Variants in CSNK1G3 observed in about 807,000 individuals in gnomAD.
The protein encoded by CSNK1G3 is casein kinase I isoform gamma-3.
A neutral mutation model predicts 64.3 loss-of-function variants in CSNK1G3; 23 were observed. The observed-to-expected ratio is 0.36, with a 90% CI of 0.26 to 0.51. The LOEUF is 0.51. CSNK1G3 is among the 20% of genes least tolerant of loss of function. CSNK1G3 has a pLI of 0.96. For synonymous variants in CSNK1G3, 158 were observed against 162.2 expected, an observed-to-expected ratio of 0.97 and a Z score of 0.20; for missense variants, 357 against 510.5, an observed-to-expected ratio of 0.70 and a Z score of 2.90.
chr5:123,544,190 C>T (rs113759949), intron 1 of CSNK1G3, among the ~76,000 whole-genome samples: 42 of 152,270 alleles, frequency 2.8e-4, no homozygotes, highest in African/African-American at 9.4e-4. Flanking sequence ...AGCACAAGAA[C>T]GATCCTATAA....
At chr5:123,527,884 C>T (rs531050842) in intron 1 of CSNK1G3, among the ~76,000 whole-genome samples, 6 of 151,966 alleles carry the variant, frequency 3.9e-5, no homozygotes, top group Admixed American at 1.3e-4. Context: ...CTGTTTTCTC[C>T]GTGTTTTCTA....
rs571704455 is a variant in CSNK1G3, at chr5:123,556,813, A to G, written c.220-682A>G. On this transcript the variant is annotated intron_variant, in intron 3 of 12. Transcript: ENST00000345990. ...GTGTGGTGTGTGTATATGAATCTCA[A>G]AAACATTTATGTCGAATGATAAAAG... is the stretch of plus-strand genomic sequence containing the variant. 7.5e-3 allele frequency among the ~76,000 whole-genome samples: 1,076 copies of G among 143,248 alleles called. 29 individuals are homozygous for G. The highest frequency in any genetic ancestry group is 0.066 in the East Asian group (339 of 5,132). The allele number at this position is 143,248 out of a possible 152,430, so 94.0% of individuals were successfully genotyped here. A position where few individuals can be genotyped will look rare whatever the true frequency, so the allele number is the denominator to read the frequency against.
intron 3 of CSNK1G3, among the ~76,000 whole-genome samples, chr5:123,554,797 C>G (rs1784329636): frequency 3.3e-5 from 5 of 152,200 alleles, no homozygotes; most frequent in Admixed American, 3.3e-4. Flanking sequence ...TAGTGGGCAG[C>G]TCTACTCATG....
intron 1 of CSNK1G3, among the ~76,000 whole-genome samples, chr5:123,533,816 T>G (rs370441160): frequency 1.2e-4 from 18 of 151,882 alleles, no homozygotes; most frequent in African/African-American, 3.9e-4. Context: ...GTTTTTTCTT[T>G]TTTTTATTTT....
At chr5:123,605,232 G>T in intron 11 of CSNK1G3, 107 bp from the exon 13 acceptor site, 1 of 990,136 alleles carries the variant, frequency 1.0e-6, no homozygotes, top group Non-Finnish European at 1.5e-6. Context: ...ACATTGCTTG[G>T]AAAAAATTAA....
chr5:123,561,863 C>T (rs1433086993), intron 4 of CSNK1G3, among the ~76,000 whole-genome samples: 1 of 152,070 alleles, frequency 6.6e-6, no homozygotes, highest in African/African-American at 2.4e-5. Flanking sequence ...GAAATGTTAG[C>T]CTCCTCTGAT....
chr5:123,514,709 AG>A (rs1350434581), intron 1 of CSNK1G3, among the ~76,000 whole-genome samples: 1 of 149,798 alleles, frequency 6.7e-6, no homozygotes, highest in Admixed American at 6.7e-5. Flanking sequence ...ATGGGGACTG[AG>A]GGGGTGATGG....
chr5:123,574,671 A>T (rs1275749680), intron 5 of CSNK1G3, among the ~76,000 whole-genome samples: 1 of 149,062 alleles, frequency 6.7e-6, no homozygotes, highest in Non-Finnish European at 1.5e-5. Context: ...AATAAAAATA[A>T]AAAAAAAAAT....
chr5:123,579,010 GTA>G (rs1350095153), intron 6 of CSNK1G3, among the ~76,000 whole-genome samples: 9 of 151,892 alleles, frequency 5.9e-5, no homozygotes, highest in Admixed American at 2.0e-4. Context: ...GAACCAATCA[GTA>G]TATATCCATC....
chr5:123,575,804 C>T lies in CSNK1G3; in HGVS notation c.514C>T (p.Arg172Ter), dbSNP rs2150736392. ...AAAACCTGAGAACTTCTTAATAGGA[C>T]GACCAGGAAACAAAACCCAGCAAGT... is the stretch of plus-strand genomic sequence containing the variant. Residue 172 changes from arginine to a stop codon, truncating the protein, a stop_gained, in exon 6 of 13, where the codon CGA becomes TGA. Coordinates refer to ENST00000345990, the Ensembl canonical transcript of CSNK1G3. LOFTEE classifies it high-confidence loss of function. The T allele has an allele frequency of 1.9e-6, 3 of 1,613,534 alleles. No homozygotes were observed. Among genetic ancestry groups the T allele is most frequent in the Non-Finnish European group, 2.5e-6 (3 of 1,179,650 alleles).
intron 10 of CSNK1G3, among the ~76,000 whole-genome samples, chr5:123,598,935 A>G (rs976275930): frequency 6.6e-6 from 1 of 152,122 alleles, no homozygotes; most frequent in African/African-American, 2.4e-5. Flanking sequence ...AAAGAATTAG[A>G]AGGTAGAGTT....
At chr5:123,529,721 T>G (rs193203217) in intron 1 of CSNK1G3, among the ~76,000 whole-genome samples, 1 of 152,200 alleles carries the variant, frequency 6.6e-6, no homozygotes, top group East Asian at 1.9e-4. Flanking sequence ...GGTGAATATT[T>G]CGGTAATAAA....
chr5:123,595,175 T>TA, intron 10 of CSNK1G3, 41 bp downstream of exon 11: 1 of 1,568,410 alleles, frequency 6.4e-7, no homozygotes, highest in Non-Finnish European at 8.8e-7. Flanking sequence ...TACCCAGATT[T>TA]ATACAACTAA....
intron 6 of CSNK1G3, among the ~76,000 whole-genome samples, chr5:123,577,802 A>G (rs572611292): frequency 6.6e-6 from 1 of 152,038 alleles, no homozygotes; most frequent in African/African-American, 2.4e-5. Context: ...ATGAATGTGC[A>G]TACTATGTAA....
At chr5:123,553,477 A>T (rs1313794620) in intron 3 of CSNK1G3, among the ~76,000 whole-genome samples, 1 of 152,202 alleles carries the variant, frequency 6.6e-6, no homozygotes, top group African/African-American at 2.4e-5. Context: ...CTTCTGATTC[A>T]AACATTTTGG....
At chr5:123,591,235 C>G in intron 9 of CSNK1G3, 84 bp from the exon 10 acceptor site, 1 of 735,470 alleles carries the variant, frequency 1.4e-6, no homozygotes, top group Non-Finnish European at 2.1e-6. Context: ...TTGTTTTTTT[C>G]CTTAATTCTT....
Position 123,580,955 on chromosome 5 carries a change from G to C in CSNK1G3, c.673+4992G>C, listed in dbSNP as rs200172659. 2.0e-5 allele frequency among the ~76,000 whole-genome samples: 3 copies of C among 151,930 alleles called. No individual in the cohort carries two copies. The East Asian group carries it at 5.8e-4, about 29-fold the overall frequency. On this transcript the variant is annotated intron_variant, in intron 6 of 12. Transcript: ENST00000345990. ...AGTGGTAAGTTCTCTGAATAGGAGA[G>C]AAGGAACCACAGAATTATGGTGTTC...
At chr5:123,583,434 C>T (rs1450669646) in intron 6 of CSNK1G3, among the ~76,000 whole-genome samples, 1 of 151,716 alleles carries the variant, frequency 6.6e-6, no homozygotes, top group Non-Finnish European at 1.5e-5. Context: ...GATCTTGGCT[C>T]ACCACAACCT....
In CSNK1G3 at chr5:123,595,128, G is replaced by A. The variant is rs141285750; in HGVS notation, c.1086+3714G>A. Reference sequence around the variant, plus strand: ...TTGCAGCAGACAGACATGGTGGCTCGGTACAGGTATTTTCTGATTTTTGCA... The same window carrying A: ...TTGCAGCAGACAGACATGGTGGCTCAGTACAGGTATTTTCTGATTTTTGCA... On this transcript the variant is annotated intron_variant, in intron 10 of 12. Coordinates refer to ENST00000345990, the Ensembl canonical transcript of CSNK1G3. 3.1e-3 allele frequency: 4,993 copies of A among 1,612,840 alleles called. 7 individuals are homozygous for A. The highest frequency in any genetic ancestry group is 4.0e-3 in the Non-Finnish European group (4,697 of 1,179,372).
Sources: allele counts gnomAD v4.1 joint callset (sites outside exome capture counted in the v4.1 genomes callset), GRCh38; gene constraint gnomAD v4.1.1; transcripts MANE v1.5; gene names NCBI Gene and HGNC (gene_info 2026-07-23, HGNC 2026-07-21).